The following ADAMTS16 variants were observed in gnomAD, a reference collection of about 807,000 sequenced individuals.
ADAMTS16 encodes the protein ADAM metallopeptidase with thrombospondin type 1 motif 16, also known as A disintegrin and metalloproteinase with thrombospondin motifs 16.
Under a neutral mutation model 145.8 loss-of-function variants are expected in ADAMTS16, and 94 were observed. That is an observed-to-expected ratio of 0.64 (90% CI 0.55 to 0.77). The LOEUF is 0.77. ADAMTS16 is among the 30% of genes least tolerant of loss of function. The pLI, the probability that ADAMTS16 is intolerant of heterozygous loss-of-function variation, is 0.00. For missense variants in ADAMTS16, 1,585 were observed against 1,591.5 expected (o/e 1.00, Z 0.07); for synonymous variants, 659 against 604.3 (o/e 1.09, Z -1.33).
At chr5:5,181,445 G>A (rs1366167) in intron 3 of ADAMTS16, among the ~76,000 whole-genome samples, 103,885 of 152,032 alleles carry the variant, frequency 0.68, 36,570 homozygotes, top group Middle Eastern at 0.83. Context: ...AGACATTTTT[G>A]GTATTTTTAT....
Position 5,303,581 on chromosome 5 carries a change from A to G in ADAMTS16, c.3001A>G (p.Thr1001Ala). 6.2e-7 allele frequency: 1 copy of G among 1,614,032 alleles called. No homozygotes were observed. The highest frequency in any genetic ancestry group is 8.5e-7 in the Non-Finnish European group (1 of 1,179,988). ...SAGPWAECSH[T>A]CGKGWRKRAV... is the part of the protein sequence containing the mutation. ...TGACTGTTCTGTGCAGTGCTCACAC[A>G]CCTGTGGGAAGGGGTGGAGGAAGCG... Residue 1001 changes from threonine to alanine, a missense_variant, in exon 20 of 23, where the codon ACC becomes GCC. Thr to Ala is a moderately conservative substitution (Grantham distance 58). Around this residue, in one of 3 missense-constraint regions of ADAMTS16, gnomAD observed 834 missense variants for 811.7 expected, o/e 1.03. Coordinates refer to ENST00000274181, the MANE Select transcript of ADAMTS16 (RefSeq NM_139056.4).
At position 5,209,055 on chromosome 5, in the gene ADAMTS16, C is replaced by T. The variant is rs184448547; in HGVS notation, c.1452-38C>T. ...AGTTGTAAGTCCTTTGGTTACTCTACGGGCAGTTACTAGTAGCTCATCTCC... is the reference window on the plus strand; with the variant it reads ...AGTTGTAAGTCCTTTGGTTACTCTATGGGCAGTTACTAGTAGCTCATCTCC... On this transcript the variant is annotated intron_variant, in intron 9 of 22. Transcript: ENST00000274181. 4.8e-4 allele frequency: 769 copies of T among 1,595,012 alleles called. 7 individuals are homozygous for T. The East Asian group carries it at 7.6e-3, about 16-fold the overall frequency.
At position 5,274,198 on chromosome 5, in the gene ADAMTS16, AT is replaced by A. The variant is rs140199893; in HGVS notation, c.2789+11416del. ...CATTTGTAAAAATTTGTGAGCCCACATGGACACATCCCTATCACCCAAGTCC... is the reference window on the plus strand; with the variant it reads ...CATTTGTAAAAATTTGTGAGCCCACAGGACACATCCCTATCACCCAAGTCC... On this transcript the variant is annotated intron_variant, in intron 18 of 22. Transcript: ENST00000274181. Among the ~76,000 whole-genome samples, 495 of 152,310 alleles carry A rather than the reference AT, an allele frequency of 3.2e-3. 4 individuals are homozygous for A. The highest frequency in any genetic ancestry group is 0.012 in the African/African-American group (480 of 41,564).
At chr5:5,239,329 C>A in intron 15 of ADAMTS16, 55 bp downstream of exon 15, 1 of 1,502,622 alleles carries the variant, frequency 6.7e-7, no homozygotes, top group South Asian at 1.4e-5. Context: ...GTAACTGGGG[C>A]TTCTTAGCAG....
At chr5:5,318,529 A>G (rs1734149135) in intron 22 of ADAMTS16, among the ~76,000 whole-genome samples, 1 of 152,188 alleles carries the variant, frequency 6.6e-6, no homozygotes, top group Non-Finnish European at 1.5e-5. Flanking sequence ...GCTGTTCACT[A>G]TATTTAAAGA....
At chr5:5,273,972 T>C (rs920224067) in intron 18 of ADAMTS16, among the ~76,000 whole-genome samples, 2 of 152,258 alleles carry the variant, frequency 1.3e-5, no homozygotes, top group Non-Finnish European at 1.5e-5. Flanking sequence ...TTTGAGTTTT[T>C]ATATTTTGTT....
intron 20 of ADAMTS16, among the ~76,000 whole-genome samples, chr5:5,304,989 C>CA (rs1561000155): frequency 7.0e-5 from 4 of 57,442 alleles, no homozygotes; most frequent in African/African-American, 2.5e-4. Flanking sequence ...ACATCCTACA[C>CA]CACACACACA....
At chr5:5,212,551 T>G (rs1736304675) in intron 10 of ADAMTS16, among the ~76,000 whole-genome samples, 2 of 152,176 alleles carry the variant, frequency 1.3e-5, no homozygotes, top group Admixed American at 6.6e-5. Flanking sequence ...TCCTTTATTG[T>G]TGGGTAATAT....
intron 8 of ADAMTS16, among the ~76,000 whole-genome samples, chr5:5,199,741 G>A (rs1249762364): frequency 6.6e-6 from 1 of 152,150 alleles, no homozygotes; most frequent in Non-Finnish European, 1.5e-5. Flanking sequence ...TAGAAGCCTG[G>A]CATCTACATT....
At chr5:5,183,966 T>C (rs961302058) in intron 4 of ADAMTS16, among the ~76,000 whole-genome samples, 5 of 152,242 alleles carry the variant, frequency 3.3e-5, no homozygotes, top group Admixed American at 6.5e-5. Flanking sequence ...CTGCCTCTTG[T>C]AGGTGGAGGA....
intron 18 of ADAMTS16, among the ~76,000 whole-genome samples, chr5:5,286,583 G>C (rs1365901513): frequency 6.6e-6 from 1 of 152,154 alleles, no homozygotes. Flanking sequence ...TTTTAGCCAG[G>C]TGAGGTGGCT....
intron 18 of ADAMTS16, among the ~76,000 whole-genome samples, chr5:5,296,063 T>G (rs943995226): frequency 8.5e-5 from 13 of 152,196 alleles, no homozygotes; most frequent in Non-Finnish European, 1.6e-4. Flanking sequence ...TACCTTTACT[T>G]TTCAGATATC....
intron 3 of ADAMTS16, among the ~76,000 whole-genome samples, chr5:5,177,468 G>A (rs1369647273): frequency 6.6e-6 from 1 of 152,090 alleles, no homozygotes. Context: ...GTGGAGAGAG[G>A]AACAAAAAGA....
Position 5,190,112 on chromosome 5 carries a change from G to A in ADAMTS16, c.1189G>A (p.Glu397Lys), listed in dbSNP as rs771045414. ...TGLDICSWKNEPCDTLGFAPI... is the reference protein window; with the variant it reads ...TGLDICSWKNKPCDTLGFAPI... ...TCTGGATATATGTTCCTGGAAGAAT[G>A]AGCCCTGTGACACTTTGGGTGAGAA... Residue 397 changes from glutamate (E) to lysine (K), a missense_variant, in exon 7 of 23, where the codon GAG becomes AAG. Coordinates refer to ENST00000274181, the MANE Select transcript of ADAMTS16 (RefSeq NM_139056.4). 4 of 1,602,048 alleles carry A rather than the reference G, an allele frequency of 2.5e-6. No individual in the cohort carries two copies. The highest frequency in any genetic ancestry group is 2.3e-5 in the South Asian group (2 of 88,688).
chr5:5,182,699 T>C (rs774878596), intron 4 of ADAMTS16, among the ~76,000 whole-genome samples: 2 of 152,232 alleles, frequency 1.3e-5, no homozygotes, highest in Non-Finnish European at 2.9e-5. Flanking sequence ...TTTATATGCA[T>C]GCTTATATAC....
intron 18 of ADAMTS16, among the ~76,000 whole-genome samples, chr5:5,286,320 C>T (rs1202672820): frequency 6.6e-6 from 1 of 152,144 alleles, no homozygotes; most frequent in African/African-American, 2.4e-5. Flanking sequence ...AATGATAATA[C>T]AGCTAATTTC....
chr5:5,193,586 C>A (rs1331732074), intron 8 of ADAMTS16, among the ~76,000 whole-genome samples: 1 of 152,150 alleles, frequency 6.6e-6, no homozygotes, highest in African/African-American at 2.4e-5. Context: ...GCAGTGCCAG[C>A]CGTTGCAGGT....
chr5:5,183,682 G>A (rs1735409290), intron 4 of ADAMTS16, among the ~76,000 whole-genome samples: 1 of 152,166 alleles, frequency 6.6e-6, no homozygotes, highest in Non-Finnish European at 1.5e-5. Context: ...GACTCAGGCT[G>A]GTGGCACAGC....
At chr5:5,205,308 G>T (rs1247668693) in intron 9 of ADAMTS16, among the ~76,000 whole-genome samples, 1 of 149,224 alleles carries the variant, frequency 6.7e-6, no homozygotes. Context: ...GTACACTGCT[G>T]GAAAAAAAGA....
Sources: gnomAD v4.1 joint callset for allele counts (sites outside exome capture counted in the v4.1 genomes callset) on GRCh38, gnomAD v4.1.1 for gene constraint, gnomAD v4.1.1 regional missense constraint, MANE v1.5 for transcripts, NCBI Gene and HGNC (gene_info 2026-07-23, HGNC 2026-07-21) for gene names.